RRP1B: variants seen among roughly 807,000 people sequenced by gnomAD.
The protein encoded by RRP1B is ribosomal RNA processing 1B, also known as ribosomal RNA processing protein 1 homolog B.
A neutral mutation model predicts 80.2 loss-of-function variants in RRP1B; 56 were observed. That is an observed-to-expected ratio of 0.70 (90% CI 0.56 to 0.87). The LOEUF (loss-of-function observed/expected upper bound fraction) is 0.87, where lower values mean the gene tolerates loss of function less well. RRP1B is among the 40% of genes least tolerant of loss of function. The pLI is 0.00. For synonymous variants in RRP1B, 351 were observed against 357.6 expected (o/e 0.98, Z 0.21); for missense variants, 807 against 939.8 (o/e 0.86, Z 1.85).
intron 1 of RRP1B, among the ~76,000 whole-genome samples, chr21:43,665,868 C>T (rs1335922534): frequency 6.6e-6 from 1 of 152,176 alleles, no homozygotes; most frequent in African/African-American, 2.4e-5. Context: ...CCAAATAAAC[C>T]TCTTAGCGTC....
intron 1 of RRP1B, 86 bp from the exon 2 acceptor site, chr21:43,669,798 A>C: frequency 1.1e-6 from 1 of 878,828 alleles, no homozygotes; most frequent in East Asian, 2.6e-5. Context: ...AAGAGAATTA[A>C]AATGTATGTG....
chr21:43,683,490 T>C lies in RRP1B; in HGVS notation c.891+117T>C, dbSNP rs2083051414. On this transcript the variant is annotated intron_variant, in intron 9 of 15. Coordinates refer to ENST00000340648, the MANE Select transcript of RRP1B (RefSeq NM_015056.3). ...GCCTGAAGCGTAAACTCCTTTTTAA[T>C]CCCTTCAGTCACTAAATGTCACCTT... The C allele has an allele frequency of 5.2e-5, 35 of 669,988 alleles. 1 individual carries two copies. In the South Asian group the frequency reaches 6.2e-4, roughly 12 times the overall value. The allele number at this position is 669,988 out of a possible 1,614,324, so 41.5% of individuals were successfully genotyped here.
At chr21:43,673,564 G>T (rs1443929966) in intron 3 of RRP1B, among the ~76,000 whole-genome samples, 1 of 150,574 alleles carries the variant, frequency 6.6e-6, no homozygotes, top group Admixed American at 6.6e-5. Flanking sequence ...AACCCAGGAG[G>T]CAGAGGTTGC....
chr21:43,669,111 C>T (rs1353268795), intron 1 of RRP1B, among the ~76,000 whole-genome samples: 2 of 150,648 alleles, frequency 1.3e-5, no homozygotes, highest in Non-Finnish European at 3.0e-5. Context: ...TTGACAAAGC[C>T]AACCTGGTGA....
chr21:43,661,792 G>A (rs891131958), intron 1 of RRP1B, among the ~76,000 whole-genome samples: 8 of 152,094 alleles, frequency 5.3e-5, no homozygotes, highest in East Asian at 1.9e-4. Context: ...TTCATGTTCC[G>A]TCAACAGAAT....
At position 43,675,019 on chromosome 21, in the gene RRP1B, C is replaced by T. The variant is rs1442494280; in HGVS notation, c.420-15C>T. 8.1e-6 allele frequency: 13 copies of T among 1,613,066 alleles called. No homozygotes were observed. The highest frequency in any genetic ancestry group is 2.7e-5 in the African/African-American group (2 of 74,862). On this transcript the variant is annotated splice_polypyrimidine_tract_variant and intron_variant, in intron 5 of 15. Coordinates refer to ENST00000340648, the MANE Select transcript of RRP1B (RefSeq NM_015056.3). ...GCATACTGTCATTCACAGAAGCATG[C>T]GTTTGGTTCTTTAGCCGAATCAAGG... is the stretch of plus-strand genomic sequence containing the variant.
chr21:43,689,945 G>A (rs149302057), intron 13 of RRP1B, among the ~76,000 whole-genome samples: 11 of 152,402 alleles, frequency 7.2e-5, no homozygotes, highest in South Asian at 2.1e-4. Context: ...GACTGCCAGC[G>A]CAGTGACGAT....
At position 43,659,717 on chromosome 21, in the gene RRP1B, C is replaced by T; in HGVS notation, c.53C>T (p.Ser18Phe). The T allele has an allele frequency of 6.5e-7, 1 of 1,532,458 alleles. No homozygotes were observed. 94.9% of individuals were successfully genotyped at this position (1,532,458 alleles called of 1,614,324 possible). ...AEIQFAQRLA[S>F]SEKGIRDRAV... ...ATCCAATTTGCCCAGCGGCTGGCGTCCAGCGAGAAGGGCATCCGGGACCGA... is the reference window on the plus strand; with the variant it reads ...ATCCAATTTGCCCAGCGGCTGGCGTTCAGCGAGAAGGGCATCCGGGACCGA... Residue 18 changes from serine (S) to phenylalanine (F), a missense_variant, in exon 1 of 16, where the codon TCC becomes TTC. By Grantham distance (155) the Ser-to-Phe change is radical. Transcript: ENST00000340648. This position sits in a 1 kb window ranked among gnomAD's most constrained non-coding sequence, Gnocchi z 4.2.
In RRP1B at chr21:43,684,660, T is replaced by C; in HGVS notation, c.989+10T>C. ...CCAAACTCATCAAGAAGTCAGTAAC[T>C]GGGGAGAGGGTTCTGACATCATCAT... On this transcript the variant is annotated intron_variant, in intron 10 of 15. Coordinates refer to ENST00000340648, the MANE Select transcript of RRP1B (RefSeq NM_015056.3). The C allele has an allele frequency of 6.2e-7, 1 of 1,604,904 alleles. No individual in the cohort carries two copies. The highest frequency in any genetic ancestry group is 1.1e-5 in the South Asian group (1 of 90,888).
At chr21:43,679,692 G>A (rs1431725710) in intron 8 of RRP1B, among the ~76,000 whole-genome samples, 1 of 152,110 alleles carries the variant, frequency 6.6e-6, no homozygotes, top group Non-Finnish European at 1.5e-5. Context: ...ATTTTTATGG[G>A]CATTGTGTTG....
chr21:43,675,061 G>A lies in RRP1B; in HGVS notation c.447G>A (p.Leu149=), dbSNP rs2083016238. The A allele has an allele frequency of 7.4e-6, 12 of 1,614,112 alleles. No individual in the cohort carries two copies. The highest frequency in any genetic ancestry group is 1.3e-5 in the African/African-American group (1 of 75,046). Residue 149 remains leucine (L), a synonymous_variant, in exon 6 of 16, where the codon CTG becomes CTA. Transcript: ENST00000340648. ...GAATCAAGGTTTTCTTGGATGTCCTGATGAAGGAGGTCCTGTGTCCTGAGA... is the reference window on the plus strand; with the variant it reads ...GAATCAAGGTTTTCTTGGATGTCCTAATGAAGGAGGTCCTGTGTCCTGAGA... ...ESRIKVFLDV[L]MKEVLCPESQ... is the part of the protein sequence containing the mutation.
rs1001267379 is a variant in RRP1B, at chr21:43,659,643, C to T, written c.-22C>T. 200 of 1,480,818 alleles carry T rather than the reference C, an allele frequency of 1.4e-4. No individual in the cohort carries two copies. The highest frequency in any genetic ancestry group is 1.8e-4 in the Non-Finnish European group (196 of 1,114,606). 91.7% of individuals were successfully genotyped at this position (1,480,818 alleles called of 1,614,324 possible). The stretch of plus-strand genomic sequence containing the variant: ...GCAGCGGCACCGCGGGTTGCGCGGC[C>T]GGGGATGCTCCAGCGGGCGCGATGG... On this transcript the variant is annotated 5_prime_UTR_variant, in exon 1 of 16. Transcript: ENST00000340648. The surrounding 1 kb of genome is among the most constrained non-coding windows in gnomAD (Gnocchi z 4.2).
chr21:43,673,356 A>G (rs746151964), intron 3 of RRP1B, among the ~76,000 whole-genome samples: 89 of 152,354 alleles, frequency 5.8e-4, no homozygotes, highest in Non-Finnish European at 9.6e-4. Context: ...GACCAAGGCC[A>G]GGCACGGTGG....
At position 43,695,515 on chromosome 21, in the gene RRP1B, G is replaced by A. The variant is rs2083103985; in HGVS notation, c.*2132G>A. On this transcript the variant is annotated 3_prime_UTR_variant, in exon 16 of 16. Transcript: ENST00000340648. Reference sequence around the variant, plus strand: ...TTCTCCGAACTTACTCCTTTTTATGGGTAAGTCAACTAGGTTTACAGTCCC... The same window carrying A: ...TTCTCCGAACTTACTCCTTTTTATGAGTAAGTCAACTAGGTTTACAGTCCC... The A allele has an allele frequency of 6.6e-6, 1 of 152,030 alleles. No individual in the cohort carries two copies. Among genetic ancestry groups the A allele is most frequent in the African/African-American group, 2.4e-5 (1 of 41,378 alleles). 9.4% of individuals were successfully genotyped at this position (152,030 alleles called of 1,614,324 possible).
chr21:43,672,729 C>T (rs915838107), intron 3 of RRP1B, among the ~76,000 whole-genome samples: 1 of 152,108 alleles, frequency 6.6e-6, no homozygotes, highest in East Asian at 1.9e-4. Flanking sequence ...AAGACACCAC[C>T]GGTCACAGAC....
At chr21:43,680,372 A>T (rs769348263) in intron 8 of RRP1B, among the ~76,000 whole-genome samples, 3 of 151,302 alleles carry the variant, frequency 2.0e-5, no homozygotes, top group Non-Finnish European at 4.4e-5. Context: ...AGCCTGACCA[A>T]CATGCTCAAA....
In RRP1B at chr21:43,687,524, G is replaced by C. The variant is rs752890808; in HGVS notation, c.1150G>C (p.Val384Leu). The part of the protein sequence containing the change: ...TNLEKEKGSR[V>L]FCVEEEDSES... ...GGTTTCTGTCTTTTTAGGAAGCAGA[G>C]TCTTTTGTGTAGAGGAAGAGGACAG... Residue 384 changes from valine (V) to leucine (L), a missense_variant, in exon 13 of 16, where the codon GTC becomes CTC. Coordinates refer to ENST00000340648, the MANE Select transcript of RRP1B (RefSeq NM_015056.3). The C allele has an allele frequency of 6.7e-7, 1 of 1,482,254 alleles. No individual in the cohort carries two copies. The highest frequency in any genetic ancestry group is 2.3e-5 in the East Asian group (1 of 43,730). The allele number at this position is 1,482,254 out of a possible 1,614,324, so 91.8% of individuals were successfully genotyped here.
At position 43,673,886 on chromosome 21, in the gene RRP1B, G is replaced by C. The variant is rs2083010162; in HGVS notation, c.288G>C (p.Gln96His). The C allele has an allele frequency of 4.3e-6, 7 of 1,613,502 alleles. No homozygotes were observed. Among genetic ancestry groups the C allele is most frequent in the Non-Finnish European group, 4.2e-6 (5 of 1,179,634 alleles). Residue 96 changes from glutamine to histidine, a missense_variant, in exon 4 of 16, where the codon CAG becomes CAC. Transcript: ENST00000340648. ...NNSAAQHLFI[Q>H]TFWQTMNREW... is the part of the protein sequence containing the mutation. ...TCACTGCAGAACACCTGTTCATTCA[G>C]ACCTTTTGGCAAACCATGAATCGAG... is the stretch of plus-strand genomic sequence containing the variant.
chr21:43,678,348 T>C (rs2083030235), intron 8 of RRP1B, among the ~76,000 whole-genome samples: 1 of 152,104 alleles, frequency 6.6e-6, no homozygotes, highest in Non-Finnish European at 1.5e-5. Context: ...TTAGTAGAGA[T>C]GGGGTTTGAT....
Sources: gnomAD v4.1 joint callset for allele counts (sites outside exome capture counted in the v4.1 genomes callset) on GRCh38, gnomAD v4.1.1 for gene constraint, Gnocchi (gnomAD v3.1) non-coding constraint, MANE v1.5 for transcripts, NCBI Gene and HGNC (gene_info 2026-07-23, HGNC 2026-07-21) for gene names.